The following CLASRP variants were observed in gnomAD, a reference collection of about 807,000 sequenced individuals.
CLASRP encodes the protein CLK4 associating serine/arginine rich protein, also known as CLK4-associating serine/arginine rich protein.
Under a neutral mutation model 99.9 loss-of-function variants are expected in CLASRP, and 52 were observed. The ratio of observed to expected loss-of-function variants is 0.52; its 90% CI spans 0.42 to 0.66. The LOEUF is 0.66. Ranked by LOEUF, CLASRP falls within the 30% of genes least tolerant of loss-of-function variation. The pLI is 0.00. For synonymous variants in CLASRP, 379 were observed against 373.0 expected (o/e 1.02, Z -0.18); for missense variants, 848 against 999.2 (o/e 0.85, Z 2.04).
At position 45,064,633 on chromosome 19, in the gene CLASRP, G is replaced by T. The variant is rs1432858588; in HGVS notation, c.1409+3G>T. On this transcript the variant is annotated splice_donor_region_variant and intron_variant, in intron 13 of 20. Transcript: ENST00000221455. ...TACGGGCCCCGGCGCAGAAGCAGGTGTGTGTGGCTGGGCGTGGAGGTGGGA... is the reference window on the plus strand; with the variant it reads ...TACGGGCCCCGGCGCAGAAGCAGGTTTGTGTGGCTGGGCGTGGAGGTGGGA... The T allele has an allele frequency of 6.5e-7, 1 of 1,546,302 alleles. No homozygotes were observed. The highest frequency in any genetic ancestry group is 1.2e-5 in the South Asian group (1 of 84,494).
At chr19:45,063,702 G>A (rs1255708530) in intron 11 of CLASRP, among the ~76,000 whole-genome samples, 3 of 151,786 alleles carry the variant, frequency 2.0e-5, no homozygotes, top group Admixed American at 6.6e-5. Flanking sequence ...GGCCTGCCTC[G>A]GCCTCCCACA....
At chr19:45,059,228 C>T (rs537954447) in intron 7 of CLASRP, 40 bp from the exon 8 acceptor site, 11 of 1,552,060 alleles carry the variant, frequency 7.1e-6, no homozygotes, top group African/African-American at 6.8e-5. Flanking sequence ...CCTGTCCTCT[C>T]GCTCGGCCGT....
At chr19:45,055,715 C>T (rs1258763163) in intron 5 of CLASRP, among the ~76,000 whole-genome samples, 3 of 152,122 alleles carry the variant, frequency 2.0e-5, no homozygotes, top group South Asian at 2.1e-4. Flanking sequence ...TGCCTGTAAT[C>T]CCAGCTACTG....
At chr19:45,042,617 C>CT (rs549129595) in intron 2 of CLASRP, among the ~76,000 whole-genome samples, 1,541 of 143,984 alleles carry the variant, frequency 0.011, 8 homozygotes, top group South Asian at 0.019. Flanking sequence ...GCTCCAAAAT[C>CT]TTTTTTTTTT....
chr19:45,056,454 A>G lies in CLASRP; in HGVS notation c.384A>G (p.Ser128=). 6.2e-7 allele frequency: 1 copy of G among 1,613,796 alleles called. No homozygotes were observed. Among genetic ancestry groups the G allele is most frequent in the Non-Finnish European group, 8.5e-7 (1 of 1,179,862 alleles). Residue 128 remains serine, a synonymous_variant, in exon 6 of 21, where the codon TCA becomes TCG. Transcript: ENST00000221455. ...GGGGTCTCTTGTTTGCTGCAGTCTC[A>G]GAGGAGCAGTGCCTGTACCAGATCT... ...GLVQNDFAGI[S]EEQCLYQIYI... is the part of the protein sequence containing the mutation.
At chr19:45,043,447 A>G (rs1289377936) in intron 2 of CLASRP, among the ~76,000 whole-genome samples, 2 of 150,390 alleles carry the variant, frequency 1.3e-5, no homozygotes, top group African/African-American at 2.5e-5. Flanking sequence ...TTTTCCATTC[A>G]TACGTATATG....
At chr19:45,039,844 A>T (rs1971779477) in intron 1 of CLASRP, 1 of 175,382 alleles carries the variant, frequency 5.7e-6, no homozygotes, top group African/African-American at 2.4e-5. Flanking sequence ...TCCAGCCTTA[A>T]GTGCTCAGGG....
chr19:45,065,349 C>T (rs1268612636), intron 13 of CLASRP, among the ~76,000 whole-genome samples: 1 of 147,160 alleles, frequency 6.8e-6, no homozygotes, highest in Non-Finnish European at 1.5e-5. Flanking sequence ...GAAATCGTGC[C>T]ACCGCACTCT....
At chr19:45,039,320 C>A (rs1251611171) in intron 1 of CLASRP, among the ~76,000 whole-genome samples, 2 of 151,778 alleles carry the variant, frequency 1.3e-5, no homozygotes, top group Non-Finnish European at 2.9e-5. Flanking sequence ...ACTCGGCCTT[C>A]GGCCCAGCAG....
intron 13 of CLASRP, among the ~76,000 whole-genome samples, chr19:45,065,719 G>A (rs950287485): frequency 1.3e-5 from 2 of 152,292 alleles, no homozygotes; most frequent in East Asian, 1.9e-4. Flanking sequence ...GGGCAGCGAC[G>A]CTGGGTTGGT....
chr19:45,040,608 T>C (rs1479805308), intron 2 of CLASRP: 1 of 262,130 alleles, frequency 3.8e-6, no homozygotes, highest in South Asian at 4.3e-5. Context: ...ACCTCCAGAA[T>C]GTCTGTTTCG....
rs368581497 is a variant in CLASRP at position 45,057,089 on chromosome 19, T to C, written c.464+555T>C. Among the ~76,000 whole-genome samples, 100 of 152,278 alleles carry C rather than the reference T, an allele frequency of 6.6e-4. 1 individual carries two copies. In the South Asian group the frequency reaches 0.019, roughly 28 times the overall value. On this transcript the variant is annotated intron_variant, in intron 6 of 20. Coordinates refer to ENST00000221455, the MANE Select transcript of CLASRP (RefSeq NM_007056.3). ...AGCAGTGGCCGAGCAGTCTCACTTC[T>C]CTCTTCTCCACCTCAGTCTGATGAG...
intron 6 of CLASRP, among the ~76,000 whole-genome samples, chr19:45,057,115 T>C (rs1009644): frequency 0.71 from 107,860 of 152,076 alleles, 39,897 homozygotes; most frequent in East Asian, 1. Context: ...GTCTGATGAG[T>C]GCAGGCCTCC....
At chr19:45,049,279 A>G (rs908804319) in intron 2 of CLASRP, among the ~76,000 whole-genome samples, 2 of 152,128 alleles carry the variant, frequency 1.3e-5, no homozygotes, top group Admixed American at 6.6e-5. Context: ...CAGGAGTATG[A>G]TGGGATCTTG....
At position 45,067,884 on chromosome 19, in the gene CLASRP, G is replaced by C; in HGVS notation, c.1668-131G>C. 1 of 745,908 alleles carries C rather than the reference G, an allele frequency of 1.3e-6. No homozygotes were observed. Among genetic ancestry groups the C allele is most frequent in the Non-Finnish European group, 2.4e-6 (1 of 416,790 alleles). 46.2% of individuals were successfully genotyped at this position (745,908 alleles called of 1,614,324 possible). On this transcript the variant is annotated intron_variant, in intron 14 of 20. Coordinates refer to ENST00000221455, the MANE Select transcript of CLASRP (RefSeq NM_007056.3). The surrounding 1 kb of genome is among the most constrained non-coding windows in gnomAD (Gnocchi z 4.9). Reference sequence around the variant, plus strand: ...GTTCTGTGGGGTCTGAGAGGGACATGGTTGCACCCTGGGGCATCTGAGGCC... The same window carrying C: ...GTTCTGTGGGGTCTGAGAGGGACATCGTTGCACCCTGGGGCATCTGAGGCC...
In CLASRP at chr19:45,062,151, T is replaced by C. The variant is rs186242903; in HGVS notation, c.864-3T>C. The C allele has an allele frequency of 1.4e-3, 2,157 of 1,521,030 alleles. 2 individuals are homozygous for C. The highest frequency in any genetic ancestry group is 4.0e-3 in the Admixed American group (238 of 59,800). The allele number at this position is 1,521,030 out of a possible 1,614,324, so 94.2% of individuals were successfully genotyped here. ...TTGTCCCACCCCATTCTTTTCTCTG[T>C]AGCTATGCCCGCCGAGACAGCCCCA... On this transcript the variant is annotated splice_region_variant and splice_polypyrimidine_tract_variant and intron_variant, in intron 10 of 20. Coordinates refer to ENST00000221455, the MANE Select transcript of CLASRP (RefSeq NM_007056.3).
intron 11 of CLASRP, among the ~76,000 whole-genome samples, chr19:45,063,002 A>G (rs1370180348): frequency 6.6e-6 from 1 of 152,054 alleles, no homozygotes; most frequent in East Asian, 1.9e-4. Context: ...TGGGGGTGGG[A>G]ATGGGATCTT....
chr19:45,070,740 C>T (rs916354580), intron 20 of CLASRP, 63 bp from the exon 21 acceptor site: 14 of 1,433,902 alleles, frequency 9.8e-6, no homozygotes, highest in Middle Eastern at 1.7e-4. Flanking sequence ...GAAGCATCCA[C>T]GGCCCCAGGT....
intron 2 of CLASRP, among the ~76,000 whole-genome samples, chr19:45,046,746 G>A (rs1374464756): frequency 6.6e-6 from 1 of 152,206 alleles, no homozygotes; most frequent in Non-Finnish European, 1.5e-5. Context: ...GTTGGTTTTG[G>A]GCCGGGCGCG....
Sources: gnomAD v4.1 joint callset for allele counts (sites outside exome capture counted in the v4.1 genomes callset) on GRCh38, gnomAD v4.1.1 for gene constraint, Gnocchi (gnomAD v3.1) non-coding constraint, MANE v1.5 for transcripts, NCBI Gene and HGNC (gene_info 2026-07-23, HGNC 2026-07-21) for gene names.